Variants in TENT5A observed in about 807,000 individuals in gnomAD.
TENT5A encodes terminal nucleotidyltransferase 5A.
Under a neutral mutation model 30.2 loss-of-function variants are expected in TENT5A, and 9 were observed. That is an observed-to-expected ratio of 0.30 (90% CI 0.18 to 0.52). The LOEUF (loss-of-function observed/expected upper bound fraction) is 0.52. Ranked by LOEUF, TENT5A falls within the 20% of genes least tolerant of loss-of-function variation. The pLI, the probability that TENT5A is intolerant of heterozygous loss-of-function variation, is 0.97. For synonymous variants in TENT5A, 264 were observed against 234.2 expected, an observed-to-expected ratio of 1.13 and a Z score of -1.16; for missense variants, 411 against 566.1, an observed-to-expected ratio of 0.73 and a Z score of 2.78.
chr6:81,747,679 G>A lies in TENT5A; in HGVS notation c.*2016C>T. ...AAAATCTTCTAATTGGGTCTTCGAG[G>A]AATTATCATAGCAAGCAGTCATCCA... On this transcript the variant is annotated 3_prime_UTR_variant, in exon 3 of 3. Transcript: ENST00000320172. 3 of 985,656 alleles carry A rather than the reference G, an allele frequency of 3.0e-6. No homozygotes were observed. The highest frequency in any genetic ancestry group is 3.6e-6 in the Non-Finnish European group (3 of 829,786). The allele number at this position is 985,656 out of a possible 1,614,324, so 61.1% of individuals were successfully genotyped here.
chr6:81,747,637 CTCTT>C lies in TENT5A; in HGVS notation c.*2054_*2057del, dbSNP rs1768913055. The C allele has an allele frequency of 7.1e-6, 7 of 985,762 alleles. No homozygotes were observed. The highest frequency in any genetic ancestry group is 8.4e-6 in the Non-Finnish European group (7 of 829,904). 61.1% of individuals were successfully genotyped at this position (985,762 alleles called of 1,614,324 possible). ...AGGATATTTTTTTCTCCCGTGGTCT[CTCTT>C]TAACTGATGATGAAAATCTTCTAAT... On this transcript the variant is annotated 3_prime_UTR_variant, in exon 3 of 3. Transcript: ENST00000320172.
Position 81,747,258 on chromosome 6 carries a change from C to T in TENT5A, c.*2437G>A. ...TTTCTTTCAGAAAACTTTGAAACAA[C>T]TAAGCAGGCGGAGCTCTGGTTTCTG... On this transcript the variant is annotated 3_prime_UTR_variant, in exon 3 of 3. Coordinates refer to ENST00000320172, the MANE Select transcript of TENT5A (RefSeq NM_017633.3). 1 of 985,738 alleles carries T rather than the reference C, an allele frequency of 1.0e-6. No individual in the cohort carries two copies. The highest frequency in any genetic ancestry group is 1.2e-6 in the Non-Finnish European group (1 of 829,930). 61.1% of individuals were successfully genotyped at this position (985,738 alleles called of 1,614,324 possible).
At position 81,747,396 on chromosome 6, in the gene TENT5A, G is replaced by T. The variant is rs780243172; in HGVS notation, c.*2299C>A. The T allele has an allele frequency of 4.6e-4, 449 of 985,734 alleles. No individual in the cohort carries two copies. The highest frequency in any genetic ancestry group is 5.3e-4 in the Non-Finnish European group (436 of 829,950). 61.1% of individuals were successfully genotyped at this position (985,734 alleles called of 1,614,324 possible). A position where few individuals can be genotyped will look rare whatever the true frequency, so the allele number is the denominator to read the frequency against. On this transcript the variant is annotated 3_prime_UTR_variant, in exon 3 of 3. Coordinates refer to ENST00000320172, the MANE Select transcript of TENT5A (RefSeq NM_017633.3). Reference sequence around the variant, plus strand: ...GGAGACTGAGCCAAGATGGTAGTAGGAGGAGTTCCTTAGAAAACTGAGTGG... The same window carrying T: ...GGAGACTGAGCCAAGATGGTAGTAGTAGGAGTTCCTTAGAAAACTGAGTGG...
At position 81,747,327 on chromosome 6, in the gene TENT5A, C is replaced by G; in HGVS notation, c.*2368G>C. On this transcript the variant is annotated 3_prime_UTR_variant, in exon 3 of 3. Transcript: ENST00000320172. ...TAATCTGCAAACTGAACAATGTTTC[C>G]TGGGAAGTTGCAATTAATTTTTCAA... 1 of 985,798 alleles carries G rather than the reference C, an allele frequency of 1.0e-6. No homozygotes were observed. Among genetic ancestry groups the G allele is most frequent in the Non-Finnish European group, 1.2e-6 (1 of 829,912 alleles). The allele number at this position is 985,798 out of a possible 1,614,324, so 61.1% of individuals were successfully genotyped here.
At position 81,751,805 on chromosome 6, in the gene TENT5A, T is replaced by G; in HGVS notation, c.337A>C (p.Ile113Leu). 1 of 1,612,836 alleles carries G rather than the reference T, an allele frequency of 6.2e-7. No individual in the cohort carries two copies. The highest frequency in any genetic ancestry group is 1.1e-5 in the South Asian group (1 of 91,046). ...VVRRRLAEKRIGVRDVRLNGS... is the reference protein window; with the variant it reads ...VVRRRLAEKRLGVRDVRLNGS... The stretch of plus-strand genomic sequence containing the variant: ...TTGAGGCGCACGTCGCGGACGCCAA[T>G]GCGCTTCTCGGCCAGGCGCCGCCGC... The change falls in exon 2 of 3, where the codon ATT becomes CTT. Residue 113 changes from isoleucine to leucine, a missense_variant. Physicochemically the swap from Ile to Leu is conservative, Grantham distance 5. Transcript: ENST00000320172.
chr6:81,749,898 G>A lies in TENT5A; in HGVS notation c.1126C>T (p.Gln376Ter). ...AGCATGGTGATAAGGTTTAAAGTCT[G>A]TCTTCTTTCATGTCCCATCAGGCAC... ...TVCLMGHERR[Q>*]TLNLITMLAI... The change falls in exon 3 of 3, where the codon CAG becomes TAG. Residue 376 changes from glutamine (Q) to a stop codon, truncating the protein, a stop_gained. Transcript: ENST00000320172. LOFTEE classifies it high-confidence loss of function. 6.2e-7 allele frequency: 1 copy of A among 1,614,112 alleles called. No homozygotes were observed.
In TENT5A at chr6:81,748,011, T is replaced by C. The variant is rs766345799; in HGVS notation, c.*1684A>G. On this transcript the variant is annotated 3_prime_UTR_variant, in exon 3 of 3. Coordinates refer to ENST00000320172, the MANE Select transcript of TENT5A (RefSeq NM_017633.3). ...GTGTGACAACCAGATCAAAGATGTT[T>C]CATATTGACATGATTTATAAAATGT... is the stretch of plus-strand genomic sequence containing the variant. 4.1e-6 allele frequency: 4 copies of C among 979,186 alleles called. No individual in the cohort carries two copies. Among genetic ancestry groups the C allele is most frequent in the Non-Finnish European group, 4.9e-6 (4 of 824,076 alleles). 60.7% of individuals were successfully genotyped at this position (979,186 alleles called of 1,614,324 possible).
rs1562143181 is a variant in TENT5A, at chr6:81,752,013, G to GCCGAAGTCGCCGCCC, written c.128_129insGGGCGGCGACTTCGG (p.Asp41_Gly45dup). On this transcript the variant is annotated inframe_insertion, in exon 2 of 3. Coordinates refer to ENST00000320172, the MANE Select transcript of TENT5A (RefSeq NM_017633.3). ...AATGCCCACCGAAGCTGCCGCCACC[G>GCCGAAGTCGCCGCCC]CCGAAGTCGCCGCCGCCGAAGTCGC... 1 of 1,130,204 alleles carries GCCGAAGTCGCCGCCC rather than the reference G, an allele frequency of 8.8e-7. No homozygotes were observed. The highest frequency in any genetic ancestry group is 2.9e-5 in the East Asian group (1 of 34,672). 70.0% of individuals were successfully genotyped at this position (1,130,204 alleles called of 1,614,324 possible).
chr6:81,752,368 C>G, intron 1 of TENT5A, 63 bp downstream of exon 1: 1 of 1,549,682 alleles, frequency 6.5e-7, no homozygotes, highest in Non-Finnish European at 8.7e-7. Flanking sequence ...CGCAGAGCAG[C>G]CCCGCACCAA....
In TENT5A at chr6:81,746,151, T is replaced by G. The variant is rs997618179; in HGVS notation, c.*3544A>C. 2.0e-6 allele frequency: 2 copies of G among 995,112 alleles called. No individual in the cohort carries two copies. Among genetic ancestry groups the G allele is most frequent in the South Asian group, 4.7e-5 (1 of 21,316 alleles). The allele number at this position is 995,112 out of a possible 1,614,324, so 61.6% of individuals were successfully genotyped here. A position where few individuals can be genotyped will look rare whatever the true frequency, so the allele number is the denominator to read the frequency against. ...CTGAAAATGCTATGCTAAAAGAAATTTTAAAGAAAGATTATATTCAAATAG... is the reference window on the plus strand; with the variant it reads ...CTGAAAATGCTATGCTAAAAGAAATGTTAAAGAAAGATTATATTCAAATAG... On this transcript the variant is annotated 3_prime_UTR_variant, in exon 3 of 3. Coordinates refer to ENST00000320172, the MANE Select transcript of TENT5A (RefSeq NM_017633.3).
chr6:81,748,612 T>G lies in TENT5A; in HGVS notation c.*1083A>C. ...ATTCTAGATCATAGTCAATCTACTG[T>G]GTATATATACATATAAAATGTATAT... On this transcript the variant is annotated 3_prime_UTR_variant, in exon 3 of 3. Transcript: ENST00000320172. The G allele has an allele frequency of 1.1e-6, 1 of 946,806 alleles. No homozygotes were observed. Among genetic ancestry groups the G allele is most frequent in the Non-Finnish European group, 1.3e-6 (1 of 794,820 alleles). The allele number at this position is 946,806 out of a possible 1,614,324, so 58.7% of individuals were successfully genotyped here. A position where few individuals can be genotyped will look rare whatever the true frequency, so the allele number is the denominator to read the frequency against.
chr6:81,747,570 G>A lies in TENT5A; in HGVS notation c.*2125C>T. The A allele has an allele frequency of 1.0e-6, 1 of 985,610 alleles. No homozygotes were observed. The highest frequency in any genetic ancestry group is 1.2e-6 in the Non-Finnish European group (1 of 829,836). The allele number at this position is 985,610 out of a possible 1,614,324, so 61.1% of individuals were successfully genotyped here. A position where few individuals can be genotyped will look rare whatever the true frequency, so the allele number is the denominator to read the frequency against. On this transcript the variant is annotated 3_prime_UTR_variant, in exon 3 of 3. Transcript: ENST00000320172. Reference sequence around the variant, plus strand: ...ATTAACCTAGCACTAAGCATCTGAGGATCCCTAGATAAACAAACAAACAAA... The same window carrying A: ...ATTAACCTAGCACTAAGCATCTGAGAATCCCTAGATAAACAAACAAACAAA...
chr6:81,747,835 G>C lies in TENT5A; in HGVS notation c.*1860C>G, dbSNP rs1201145414. The C allele has an allele frequency of 1.0e-6, 1 of 985,818 alleles. No individual in the cohort carries two copies. Among genetic ancestry groups the C allele is most frequent in the South Asian group, 4.7e-5 (1 of 21,288 alleles). 61.1% of individuals were successfully genotyped at this position (985,818 alleles called of 1,614,324 possible). A position where few individuals can be genotyped will look rare whatever the true frequency, so the allele number is the denominator to read the frequency against. ...AGAGGAACTACTGGCTAGGAGAAAG[G>C]GTGGTTTTAGGATTAGCTGTTATTG... On this transcript the variant is annotated 3_prime_UTR_variant, in exon 3 of 3. Transcript: ENST00000320172.
At position 81,746,955 on chromosome 6, in the gene TENT5A, T is replaced by C. The variant is rs1170545656; in HGVS notation, c.*2740A>G. On this transcript the variant is annotated 3_prime_UTR_variant, in exon 3 of 3. Transcript: ENST00000320172. ...AGAAGTTGTCTTGAGTACAGCCTGT[T>C]CTATATGAATAGGTGCCAGGTGCTG... 1 of 994,926 alleles carries C rather than the reference T, an allele frequency of 1.0e-6. No individual in the cohort carries two copies. Among genetic ancestry groups the C allele is most frequent in the African/African-American group, 1.7e-5 (1 of 57,780 alleles). 61.6% of individuals were successfully genotyped at this position (994,926 alleles called of 1,614,324 possible).
Position 81,749,638 on chromosome 6 carries a change from T to G in TENT5A, c.*57A>C. On this transcript the variant is annotated 3_prime_UTR_variant, in exon 3 of 3. Coordinates refer to ENST00000320172, the MANE Select transcript of TENT5A (RefSeq NM_017633.3). ...CACTCTTTTTTTTTTCTTTTTTTTT[T>G]TTTTCTCTCCTGTCTTGTCTGAAAT... 1 of 1,485,586 alleles carries G rather than the reference T, an allele frequency of 6.7e-7. No homozygotes were observed. 92.0% of individuals were successfully genotyped at this position (1,485,586 alleles called of 1,614,324 possible). A position where few individuals can be genotyped will look rare whatever the true frequency, so the allele number is the denominator to read the frequency against.
intron 2 of TENT5A, 61 bp downstream of exon 2, chr6:81,751,529 G>T: frequency 6.9e-7 from 1 of 1,451,680 alleles, no homozygotes; most frequent in South Asian, 1.3e-5. Flanking sequence ...CCCTCTGCCC[G>T]CTCCCCGTCA....
chr6:81,752,103 G>T lies in TENT5A; in HGVS notation c.39C>A (p.Asp13Glu). 1 of 1,523,050 alleles carries T rather than the reference G, an allele frequency of 6.6e-7. No homozygotes were observed. The highest frequency in any genetic ancestry group is 8.8e-7 in the Non-Finnish European group (1 of 1,135,418). The allele number at this position is 1,523,050 out of a possible 1,614,324, so 94.3% of individuals were successfully genotyped here. The change falls in exon 2 of 3, where the codon GAC (aspartate) becomes GAA (glutamate). Residue 13 changes from aspartate to glutamate, a missense_variant. Physicochemically the swap from Asp to Glu is conservative, Grantham distance 45. Transcript: ENST00000320172. ...GGATGTAGGGGCTGCAGGCCAGCTCGTCCTCAGACATGGCGAAGTACCCTT... is the reference window on the plus strand; with the variant it reads ...GGATGTAGGGGCTGCAGGCCAGCTCTTCCTCAGACATGGCGAAGTACCCTT... Reference protein sequence around the residue: ...EGEGYFAMSEDELACSPYIPL... With the variant: ...EGEGYFAMSEEELACSPYIPL...
chr6:81,752,066 C>CGCCGCCGCCGAAGTA lies in TENT5A; in HGVS notation c.75_76insTACTTCGGCGGCGGC (p.Gly25_Asp26insTyrPheGlyGlyGly). 1 of 1,554,478 alleles carries CGCCGCCGCCGAAGTA rather than the reference C, an allele frequency of 6.4e-7. No homozygotes were observed. Among genetic ancestry groups the CGCCGCCGCCGAAGTA allele is most frequent in the Non-Finnish European group, 8.7e-7 (1 of 1,147,894 alleles). ...CCGCCGAAGTCGCCGCCGCCGAAGT[C>CGCCGCCGCCGAAGTA]GCCGCCTAGGGGGATGTAGGGGCTG... is the stretch of plus-strand genomic sequence containing the variant. On this transcript the variant is annotated inframe_insertion, in exon 2 of 3. Coordinates refer to ENST00000320172, the MANE Select transcript of TENT5A (RefSeq NM_017633.3).
At position 81,750,277 on chromosome 6, in the gene TENT5A, G is replaced by A; in HGVS notation, c.747C>T (p.Asn249=). The A allele has an allele frequency of 1.2e-6, 2 of 1,614,064 alleles. No homozygotes were observed. Among genetic ancestry groups the A allele is most frequent in the Non-Finnish European group, 1.7e-6 (2 of 1,179,988 alleles). Residue 249 remains asparagine, a synonymous_variant, in exon 3 of 3, where the codon AAC becomes AAT. Coordinates refer to ENST00000320172, the MANE Select transcript of TENT5A (RefSeq NM_017633.3). This position sits in a 1 kb window ranked among gnomAD's most constrained non-coding sequence, Gnocchi z 4.2. ...TGGGGTGAAATGTCTCAGTCATTGGGTTCTCTGAACATTCATAAAAGAGCA... is the reference window on the plus strand; with the variant it reads ...TGGGGTGAAATGTCTCAGTCATTGGATTCTCTGAACATTCATAAAAGAGCA... ...SLLLFYECSE[N]PMTETFHPTI... is the part of the protein sequence containing the mutation.
Sources: gnomAD v4.1 joint callset for allele counts on GRCh38, gnomAD v4.1.1 for gene constraint, Gnocchi (gnomAD v3.1) non-coding constraint, MANE v1.5 for transcripts, NCBI Gene and HGNC (gene_info 2026-07-23, HGNC 2026-07-21) for gene names.